ANKS1A: variants seen among roughly 807,000 people sequenced by gnomAD.
The protein encoded by ANKS1A is ankyrin repeat and SAM domain-containing protein 1A.
A neutral mutation model predicts 120.3 loss-of-function variants in ANKS1A; 55 were observed. The ratio of observed to expected loss-of-function variants is 0.46; its 90% CI spans 0.37 to 0.57. The LOEUF (loss-of-function observed/expected upper bound fraction) is 0.57, where lower values mean the gene tolerates loss of function less well. Among genes scored for constraint, ANKS1A ranks in the 20% least tolerant of loss-of-function variants. ANKS1A has a pLI of 0.00. For missense variants in ANKS1A, 1,123 were observed against 1,480.3 expected (o/e 0.76, Z 3.96); for synonymous variants, 590 against 604.7 (o/e 0.98, Z 0.36).
the ANKS1A span, among the ~76,000 whole-genome samples, chr6:35,096,574 T>C: frequency 2.0e-5 from 3 of 152,358 alleles, no homozygotes; most frequent in East Asian, 5.8e-4. Context: ...CCTTTGCTGA[T>C]TTCTGGAAAT....
At chr6:35,066,387 C>T (rs1450989802) in intron 13 of ANKS1A, among the ~76,000 whole-genome samples, 1 of 115,668 alleles carries the variant, frequency 8.6e-6, no homozygotes, top group East Asian at 2.5e-4. Context: ...TTGGTCCCAG[C>T]AGATCTACAC....
intron 11 of ANKS1A, among the ~76,000 whole-genome samples, chr6:35,049,895 C>T (rs1390819133): frequency 3.3e-5 from 5 of 152,298 alleles, no homozygotes; most frequent in East Asian, 1.9e-4. Context: ...GCTTGAGGTC[C>T]GCCTGTGCCC....
rs190918916 is a variant in ANKS1A at position 34,925,681 on chromosome 6, G to A, written c.197+36082G>A. Among the ~76,000 whole-genome samples the A allele has an allele frequency of 1.1e-4, 17 of 152,298 alleles. 1 individual carries two copies. In the East Asian group the frequency reaches 3.3e-3, roughly 29 times the overall value. On this transcript the variant is annotated intron_variant, in intron 1 of 23. Coordinates refer to ENST00000360359, the MANE Select transcript of ANKS1A (RefSeq NM_015245.3). ...AAATAGTTTTAGCCTGATACTGGGT[G>A]CGGAGAGGGATACTCTGTGGGATTC...
At chr6:35,073,548 G>A (rs1243313091) in intron 13 of ANKS1A, among the ~76,000 whole-genome samples, 1 of 152,232 alleles carries the variant, frequency 6.6e-6, no homozygotes, top group Non-Finnish European at 1.5e-5. Flanking sequence ...CTCAGGGACT[G>A]GACCCAAACC....
intron 16 of ANKS1A, among the ~76,000 whole-genome samples, chr6:35,080,416 C>T (rs935270797): frequency 2.6e-5 from 4 of 152,222 alleles, no homozygotes; most frequent in Non-Finnish European, 5.9e-5. Context: ...AGAGCTCTCC[C>T]CCAGCCCCAG....
rs752314534 is a variant in ANKS1A, at chr6:35,079,684, G to A, written c.2436+16G>A. 1.6e-5 allele frequency: 26 copies of A among 1,613,942 alleles called. No individual in the cohort carries two copies. Among genetic ancestry groups the A allele is most frequent in the Middle Eastern group, 1.6e-4 (1 of 6,084 alleles). On this transcript the variant is annotated intron_variant, in intron 15 of 23. Coordinates refer to ENST00000360359, the MANE Select transcript of ANKS1A (RefSeq NM_015245.3). ...GCTCGTCAATGTGAGTAGTCCCTGC[G>A]TGGCCCGGCCTGGACTCTCCAGAAG...
intron 9 of ANKS1A, among the ~76,000 whole-genome samples, chr6:34,993,554 T>C: frequency 6.6e-6 from 1 of 152,238 alleles, no homozygotes; most frequent in East Asian, 1.9e-4. Flanking sequence ...GTGGAAGTAA[T>C]TTAAAATTGT....
chr6:34,899,712 A>G (rs1357376475), intron 1 of ANKS1A, among the ~76,000 whole-genome samples: 1 of 152,242 alleles, frequency 6.6e-6, no homozygotes, highest in Non-Finnish European at 1.5e-5. Context: ...TGTGGTTTTT[A>G]GAACTTTAAC....
intron 1 of ANKS1A, among the ~76,000 whole-genome samples, chr6:34,897,671 CTT>C (rs1272457497): frequency 1.3e-5 from 2 of 152,082 alleles, no homozygotes; most frequent in African/African-American, 4.8e-5. Context: ...CTTCACATAA[CTT>C]TGGTGTGGTT....
rs1266144195 is a variant in ANKS1A, at chr6:34,982,936, G to A, written c.808+109G>A. The A allele has an allele frequency of 4.4e-6, 6 of 1,353,002 alleles. No homozygotes were observed. The highest frequency in any genetic ancestry group is 3.4e-5 in the Admixed American group (2 of 58,320). The allele number at this position is 1,353,002 out of a possible 1,614,324, so 83.8% of individuals were successfully genotyped here. ...GGCTGTGTTTGAACTCAATGTATGT[G>A]TATCTCCACTGGTTGATTACAAGTG... On this transcript the variant is annotated intron_variant, in intron 5 of 23. Transcript: ENST00000360359. The surrounding 1 kb of genome is among the most constrained non-coding windows in gnomAD (Gnocchi z 4.9).
intron 11 of ANKS1A, among the ~76,000 whole-genome samples, chr6:35,053,025 G>A (rs993579708): frequency 2.0e-5 from 3 of 152,160 alleles, no homozygotes; most frequent in African/African-American, 7.2e-5. Context: ...GAGAGATGGC[G>A]CTTGCTCTGT....
rs1226337748 is a variant in ANKS1A at position 35,086,283 on chromosome 6, C to T, written c.3303+347C>T. On this transcript the variant is annotated intron_variant, in intron 22 of 23. Coordinates refer to ENST00000360359, the MANE Select transcript of ANKS1A (RefSeq NM_015245.3). The surrounding 1 kb of genome is among the most constrained non-coding windows in gnomAD (Gnocchi z 5.1). The stretch of plus-strand genomic sequence containing the variant: ...TCTGCACCCCAGGTGCCGCTGCCCC[C>T]CGATAGTCGCTGTTGTTACTGTCAC... 7.6e-7 allele frequency: 1 copy of T among 1,324,454 alleles called. No homozygotes were observed. Among genetic ancestry groups the T allele is most frequent in the South Asian group, 1.2e-5 (1 of 81,306 alleles). The allele number at this position is 1,324,454 out of a possible 1,614,324, so 82.0% of individuals were successfully genotyped here. A position where few individuals can be genotyped will look rare whatever the true frequency, so the allele number is the denominator to read the frequency against.
At chr6:35,036,467 G>A (rs1281200587) in intron 11 of ANKS1A, among the ~76,000 whole-genome samples, 1 of 152,248 alleles carries the variant, frequency 6.6e-6, no homozygotes, top group Non-Finnish European at 1.5e-5. Context: ...AGAGTCTCAC[G>A]AGACCTTTGA....
chr6:34,984,112 T>C (rs1010168912), intron 7 of ANKS1A, among the ~76,000 whole-genome samples: 1 of 152,058 alleles, frequency 6.6e-6, no homozygotes, highest in African/African-American at 2.4e-5. Context: ...ATGAGTATCA[T>C]CTGATTGGTA....
chr6:34,999,986 GAGAA>G (rs939278446), intron 10 of ANKS1A, among the ~76,000 whole-genome samples: 10 of 152,092 alleles, frequency 6.6e-5, no homozygotes, highest in East Asian at 3.8e-4. Flanking sequence ...GAGAGAAAAA[GAGAA>G]AGAAATATAC....
At chr6:34,967,342 C>G (rs557544500) in intron 2 of ANKS1A, 23 bp downstream of exon 2, 2 of 1,607,474 alleles carry the variant, frequency 1.2e-6, no homozygotes, top group South Asian at 2.2e-5. Flanking sequence ...GTACTACATT[C>G]CTGCCTTCAC....
At chr6:35,055,457 G>A (rs1776177373) in intron 12 of ANKS1A, among the ~76,000 whole-genome samples, 1 of 152,010 alleles carries the variant, frequency 6.6e-6, no homozygotes, top group Admixed American at 6.5e-5. Flanking sequence ...AGCCTCCTGA[G>A]TAGCTGGGAT....
chr6:35,014,897 A>G (rs1214148376), intron 10 of ANKS1A, among the ~76,000 whole-genome samples: 2 of 152,192 alleles, frequency 1.3e-5, no homozygotes, highest in Non-Finnish European at 2.9e-5. Flanking sequence ...TCTCCTAGGA[A>G]GTACTATTGA....
chr6:35,036,349 A>T (rs1775169386), intron 11 of ANKS1A, among the ~76,000 whole-genome samples: 1 of 152,180 alleles, frequency 6.6e-6, no homozygotes, highest in Non-Finnish European at 1.5e-5. Flanking sequence ...TTGAGCTGAG[A>T]TGCTGCGTTG....
Sources: allele counts gnomAD v4.1 joint callset (sites outside exome capture counted in the v4.1 genomes callset), GRCh38; gene constraint gnomAD v4.1.1; non-coding constraint Gnocchi (gnomAD v3.1); transcripts MANE v1.5; gene names NCBI Gene and HGNC (gene_info 2026-07-23, HGNC 2026-07-21).